The following ZNF568 variants were observed in gnomAD, a reference collection of about 807,000 sequenced individuals.
ZNF568 encodes the protein p53 inhibitor of SCO2 activation.
Under a neutral mutation model 18.1 loss-of-function variants are expected in ZNF568, and 11 were observed. The observed-to-expected ratio is 0.61, with a 90% confidence interval of 0.38 to 1.00. The LOEUF (loss-of-function observed/expected upper bound fraction) is 1.00. Among genes scored for constraint, ZNF568 ranks in the 50% least tolerant of loss-of-function variants. ZNF568 has a pLI of 0.01. For synonymous variants in ZNF568, 213 were observed against 246.6 expected, an observed-to-expected ratio of 0.86 and a Z score of 1.28; for missense variants, 639 against 768.2, an observed-to-expected ratio of 0.83 and a Z score of 1.99.
chr19:36,997,478 G>A (rs549964026), downstream of ZNF568: 2 of 1,588,506 alleles, frequency 1.3e-6, no homozygotes, highest in Non-Finnish European at 1.7e-6. Context: ...TGTAAGGAAT[G>A]TGGGAAGGCT....
Position 36,916,554 on chromosome 19 carries a change from G to A in ZNF568, c.-293G>A, listed in dbSNP as rs919647636. On this transcript the variant is annotated 5_prime_UTR_variant, in exon 1 of 7. Coordinates refer to ENST00000333987, the MANE Select transcript of ZNF568 (RefSeq NM_198539.4). The surrounding 1 kb of genome is among the most constrained non-coding windows in gnomAD (Gnocchi z 5.3). Reference sequence around the variant, plus strand: ...GATCCTCTAAGGCCCAGAGTGTCCCGAGTAGCGGCAGTGGGGAGTGCTCAG... The same window carrying A: ...GATCCTCTAAGGCCCAGAGTGTCCCAAGTAGCGGCAGTGGGGAGTGCTCAG... The A allele has an allele frequency of 2.0e-5, 3 of 152,472 alleles. No homozygotes were observed. Among genetic ancestry groups the A allele is most frequent in the Non-Finnish European group, 2.9e-5 (2 of 68,132 alleles). 9.4% of individuals were successfully genotyped at this position (152,472 alleles called of 1,614,324 possible).
chr19:36,945,737 ATGTGTGTGTG>A (rs35542484), intron 6 of ZNF568, among the ~76,000 whole-genome samples: 2 of 149,068 alleles, frequency 1.3e-5, no homozygotes, highest in African/African-American at 4.9e-5. Flanking sequence ...GTGTGATTAT[ATGTGTGTGTG>A]TGTGTGTGTG....
At chr19:36,984,524 C>T (rs551213560), downstream of ZNF568, among the ~76,000 whole-genome samples, 1 of 152,066 alleles carries the variant, frequency 6.6e-6, no homozygotes, top group South Asian at 2.1e-4. Context: ...CTTTTTTTAA[C>T]CCATAAGAAA....
chr19:36,970,493 C>T (rs557060920), intron 6 of ZNF568, among the ~76,000 whole-genome samples: 76 of 151,892 alleles, frequency 5.0e-4, no homozygotes, highest in African/African-American at 1.6e-3. Context: ...TACAGGTGTG[C>T]GCCACCACAT....
intron 6 of ZNF568, chr19:36,973,446 G>A (rs1667334): frequency 2.5e-4 from 39 of 153,812 alleles, no homozygotes; most frequent in Non-Finnish European, 7.3e-5. Flanking sequence ...AGAGAGTGTC[G>A]GGGCGGTGCA....
intron 6 of ZNF568, among the ~76,000 whole-genome samples, chr19:36,941,073 T>C (rs1244675289): frequency 6.6e-6 from 1 of 152,202 alleles, no homozygotes; most frequent in East Asian, 1.9e-4. Context: ...TTTTCCCCTC[T>C]TTAATCACTG....
Position 36,925,828 on chromosome 19 carries a change from G to T in ZNF568, c.135+570G>T, listed in dbSNP as rs117847058. On this transcript the variant is annotated intron_variant, in intron 4 of 6. Coordinates refer to ENST00000333987, the MANE Select transcript of ZNF568 (RefSeq NM_198539.4). ...AATCTAGGGACGATTTAAAGTATAC[G>T]GGAGGACGTACATTGGTTACGTACA... Among the ~76,000 whole-genome samples the T allele has an allele frequency of 6.3e-3, 953 of 152,180 alleles. 28 individuals are homozygous for T. The highest frequency in any genetic ancestry group is 0.05 in the East Asian group (259 of 5,178).
intron 5 of ZNF568, 58 bp from the exon 6 acceptor site, chr19:36,937,089 G>A: frequency 6.4e-7 from 1 of 1,555,578 alleles, no homozygotes; most frequent in Non-Finnish European, 8.8e-7. Flanking sequence ...CTTAGCCTAA[G>A]ATCTGAATGG....
Position 36,969,707 on chromosome 19 carries a change from A to T in ZNF568, c.359-4713A>T, listed in dbSNP as rs187047400. ...TGTCATGATTTCCTCTCTGACTCTGACCCTCCTGCCTTCCTCTTTTAAGGA... is the reference window on the plus strand; with the variant it reads ...TGTCATGATTTCCTCTCTGACTCTGTCCCTCCTGCCTTCCTCTTTTAAGGA... On this transcript the variant is annotated intron_variant, in intron 6 of 7. Coordinates refer to the ZNF568 transcript ENST00000427117. 2.8e-5 allele frequency among the ~76,000 whole-genome samples: 4 copies of T among 145,138 alleles called. No individual in the cohort carries two copies. The East Asian group carries it at 8.2e-4, about 30-fold the overall frequency.
intron 3 of ZNF568, chr19:36,991,518 C>G: frequency 1.5e-6 from 1 of 658,076 alleles, no homozygotes; most frequent in Admixed American, 3.3e-5. Context: ...TCATACCTCC[C>G]TTCTTGGAGC....
Position 36,927,058 on chromosome 19 carries a change from A to G in ZNF568, c.135+1800A>G, listed in dbSNP as rs147591472. On this transcript the variant is annotated intron_variant, in intron 4 of 6. Coordinates refer to ENST00000333987, the MANE Select transcript of ZNF568 (RefSeq NM_198539.4). Reference sequence around the variant, plus strand: ...AAATTAGAATATTTTAAGAATGTCTATTTCAGTATTAGGACTTAGGATTTA... The same window carrying G: ...AAATTAGAATATTTTAAGAATGTCTGTTTCAGTATTAGGACTTAGGATTTA... Among the ~76,000 whole-genome samples the G allele has an allele frequency of 4.0e-3, 609 of 152,294 alleles. 1 individual carries two copies. The highest frequency in any genetic ancestry group is 7.6e-3 in the Non-Finnish European group (519 of 68,014).
intron 6 of ZNF568, among the ~76,000 whole-genome samples, chr19:36,944,942 A>G (rs562944026): frequency 1.3e-5 from 2 of 152,208 alleles, no homozygotes; most frequent in Admixed American, 6.5e-5. Context: ...GTAATTTTCT[A>G]TGTGATTATG....
chr19:36,991,489 A>T, intron 3 of ZNF568: 1 of 755,584 alleles, frequency 1.3e-6, no homozygotes, highest in African/African-American at 1.8e-5. Flanking sequence ...TCCAGCAGGC[A>T]CCTTTATCTT....
intron 6 of ZNF568, among the ~76,000 whole-genome samples, chr19:36,967,601 G>T (rs990446765): frequency 6.6e-6 from 1 of 152,126 alleles, no homozygotes; most frequent in Non-Finnish European, 1.5e-5. Flanking sequence ...TTCCTTTGTG[G>T]TTTCTGTTTC....
intron 4 of ZNF568, among the ~76,000 whole-genome samples, chr19:36,995,224 C>G (rs1222805740): frequency 6.6e-6 from 1 of 151,874 alleles, no homozygotes; most frequent in East Asian, 1.9e-4. Context: ...ATGGCGAAAC[C>G]CTGTATCTAT....
chr19:36,992,546 C>T (rs1478994226), intron 4 of ZNF568, among the ~76,000 whole-genome samples: 1 of 152,068 alleles, frequency 6.6e-6, no homozygotes, highest in Non-Finnish European at 1.5e-5. Context: ...ATTTACTAGG[C>T]TCTCTTGCTC....
intron 3 of ZNF568, chr19:36,991,635 G>A: frequency 1.3e-6 from 1 of 799,838 alleles, no homozygotes; most frequent in Non-Finnish European, 1.9e-6. Flanking sequence ...GTGGTGCTCT[G>A]ACCCTCACTC....
chr19:36,949,974 G>A lies in ZNF568; in HGVS notation c.821G>A (p.Gly274Glu), dbSNP rs1404383842. ...NLITHQKIHT[G>E]EKPYKCNECG... ...ATTACACATCAGAAAATTCATACTG[G>A]GGAAAAACCGTATAAGTGTAATGAA... Residue 274 changes from glycine to glutamate, a missense_variant, in exon 7 of 7, where the codon GGG becomes GAG. By Grantham distance (98) the Gly-to-Glu change is moderately conservative. Transcript: ENST00000333987. 1 of 1,613,794 alleles carries A rather than the reference G, an allele frequency of 6.2e-7. No homozygotes were observed. Among genetic ancestry groups the A allele is most frequent in the Admixed American group, 1.7e-5 (1 of 59,984 alleles).
Position 36,937,113 on chromosome 19 carries a change from T to C in ZNF568, c.263-34T>C, listed in dbSNP as rs1018586970. Reference sequence around the variant, plus strand: ...AGATCTGAATGGTTGTCTCCAGCATTGACATCCACATCCTTTGCTATTTCT... The same window carrying C: ...AGATCTGAATGGTTGTCTCCAGCATCGACATCCACATCCTTTGCTATTTCT... On this transcript the variant is annotated intron_variant, in intron 5 of 6. Coordinates refer to ENST00000333987, the MANE Select transcript of ZNF568 (RefSeq NM_198539.4). The C allele has an allele frequency of 2.5e-6, 4 of 1,591,498 alleles. No individual in the cohort carries two copies. The African/African-American group carries it at 4.0e-5, about 16-fold the overall frequency.
Sources: gnomAD v4.1 joint callset for allele counts (sites outside exome capture counted in the v4.1 genomes callset) on GRCh38, gnomAD v4.1.1 for gene constraint, Gnocchi (gnomAD v3.1) non-coding constraint, MANE v1.5 for transcripts, NCBI Gene and HGNC (gene_info 2026-07-23, HGNC 2026-07-21) for gene names.